RFX3: variants seen among roughly 807,000 people sequenced by gnomAD.
The protein encoded by RFX3 is transcription factor RFX3.
In RFX3, 14 loss-of-function variants were observed where a neutral mutation model predicts 98.6. The observed-to-expected ratio is 0.14, with a 90% CI of 0.09 to 0.22. The LOEUF (loss-of-function observed/expected upper bound fraction) is 0.22, where lower values mean the gene tolerates loss of function less well. Among genes scored for constraint, RFX3 ranks in the 10% least tolerant of loss-of-function variants. RFX3 has a pLI of 1.00. For synonymous variants in RFX3, 383 were observed against 328.4 expected (o/e 1.17, Z -1.80); for missense variants, 639 against 926.9 (o/e 0.69, Z 4.03).
chr9:3,344,943 T>C (rs1270002492), intron 3 of RFX3: 1 of 668,968 alleles, frequency 1.5e-6, no homozygotes, highest in Middle Eastern at 2.5e-4. Context: ...TAAAGAGGTA[T>C]AGATTTAATA....
chr9:3,420,072 G>A (rs936872836), intron 1 of RFX3, among the ~76,000 whole-genome samples: 11 of 152,174 alleles, frequency 7.2e-5, no homozygotes, highest in Admixed American at 4.6e-4. Flanking sequence ...AAAGAACGTC[G>A]GGGCCCGCAG....
At chr9:3,444,227 T>C (rs1054534707) in intron 1 of RFX3, among the ~76,000 whole-genome samples, 30 of 152,092 alleles carry the variant, frequency 2.0e-4, no homozygotes, top group Non-Finnish European at 4.0e-4. Context: ...ATACTACTCA[T>C]CAATAAAAAG....
chr9:3,253,666 G>A (rs2131053837), intron 14 of RFX3, among the ~76,000 whole-genome samples: 1 of 152,150 alleles, frequency 6.6e-6, no homozygotes, highest in South Asian at 2.1e-4. Flanking sequence ...CTGCTATTAT[G>A]ATTCTCGGCA....
Position 3,473,895 on chromosome 9 carries a change from A to G in RFX3, c.-9+51852T>C, listed in dbSNP as rs915213913. 2.6e-5 allele frequency among the ~76,000 whole-genome samples: 4 copies of G among 152,218 alleles called. 1 individual carries two copies. The highest frequency in any genetic ancestry group is 1.3e-4 in the Admixed American group (2 of 15,286). Reference sequence around the variant, plus strand: ...AATACTGCTGTTGAAATAGGCAAAGATAAGAGAAATATTTTTAAACCTGGG... The same window carrying G: ...AATACTGCTGTTGAAATAGGCAAAGGTAAGAGAAATATTTTTAAACCTGGG... On this transcript the variant is annotated intron_variant, in intron 1 of 16. Transcript: ENST00000617270.
Position 3,446,501 on chromosome 9 carries a change from C to T in RFX3, c.-8-50905G>A, listed in dbSNP as rs781230790. ...AAGAAGAAGAAAGCCAGAGGAATAACCTTTCTGTGACCTCCTCCCACAAAC... is the reference window on the plus strand; with the variant it reads ...AAGAAGAAGAAAGCCAGAGGAATAATCTTTCTGTGACCTCCTCCCACAAAC... On this transcript the variant is annotated intron_variant, in intron 1 of 16. Transcript: ENST00000617270. Among the ~76,000 whole-genome samples, 3 of 151,938 alleles carry T rather than the reference C, an allele frequency of 2.0e-5. No individual in the cohort carries two copies. In the East Asian group the frequency reaches 5.8e-4, roughly 29 times the overall value.
chr9:3,294,476 T>A (rs1049157952), intron 5 of RFX3, among the ~76,000 whole-genome samples: 3 of 152,108 alleles, frequency 2.0e-5, no homozygotes, highest in Non-Finnish European at 4.4e-5. Context: ...TGTGATCTCA[T>A]CCTTGTCCTC....
chr9:3,322,606 A>G (rs886828528), intron 4 of RFX3, among the ~76,000 whole-genome samples: 1 of 151,980 alleles, frequency 6.6e-6, no homozygotes, highest in African/African-American at 2.4e-5. Flanking sequence ...GGTGGCAGGT[A>G]CCTGTAATCC....
At chr9:3,506,894 T>C (rs1256276957) in intron 1 of RFX3, among the ~76,000 whole-genome samples, 1 of 151,844 alleles carries the variant, frequency 6.6e-6, no homozygotes, top group African/African-American at 2.4e-5. Flanking sequence ...ATAAATCCAA[T>C]GGAAATAATA....
At chr9:3,280,294 T>C (rs2131467660) in intron 7 of RFX3, among the ~76,000 whole-genome samples, 1 of 151,988 alleles carries the variant, frequency 6.6e-6, no homozygotes, top group East Asian at 1.9e-4. Context: ...ACAGCTCATG[T>C]ACAAGAGGGC....
intron 1 of RFX3, among the ~76,000 whole-genome samples, chr9:3,418,559 T>C (rs1843175110): frequency 6.6e-6 from 1 of 152,036 alleles, no homozygotes; most frequent in African/African-American, 2.4e-5. Context: ...TTTGCGTTTT[T>C]AGTAGAGACG....
chr9:3,344,304 G>A (rs1013265005), intron 3 of RFX3, among the ~76,000 whole-genome samples: 1 of 152,062 alleles, frequency 6.6e-6, no homozygotes, highest in Non-Finnish European at 1.5e-5. Flanking sequence ...AACAAGCAGT[G>A]TTTCGAATTT....
chr9:3,320,290 C>T (rs567585960), intron 4 of RFX3, among the ~76,000 whole-genome samples: 4 of 152,192 alleles, frequency 2.6e-5, no homozygotes, highest in East Asian at 1.9e-4. Context: ...TGGTGGCTCA[C>T]GCCTGTAGTC....
chr9:3,429,979 G>A (rs1435485591), intron 1 of RFX3, among the ~76,000 whole-genome samples: 1 of 152,126 alleles, frequency 6.6e-6, no homozygotes, highest in African/African-American at 2.4e-5. Context: ...TCAAACCTTA[G>A]TTGACTTAGG....
intron 1 of RFX3, among the ~76,000 whole-genome samples, chr9:3,476,601 T>G (rs1225333947): frequency 6.6e-6 from 1 of 152,230 alleles, no homozygotes; most frequent in Non-Finnish European, 1.5e-5. Flanking sequence ...GCATTCATGT[T>G]GTATTATAAA....
At chr9:3,305,323 G>T (rs1170770778) in intron 4 of RFX3, among the ~76,000 whole-genome samples, 1 of 151,982 alleles carries the variant, frequency 6.6e-6, no homozygotes, top group Non-Finnish European at 1.5e-5. Flanking sequence ...AAAGTGTAGG[G>T]ATGTATGAAA....
chr9:3,399,784 T>C (rs1841294134), intron 1 of RFX3, among the ~76,000 whole-genome samples: 1 of 151,590 alleles, frequency 6.6e-6, no homozygotes, highest in African/African-American at 2.4e-5. Context: ...ACCCCGCCTC[T>C]ACTAAAATAC....
At chr9:3,268,028 T>A (rs1015721053) in intron 11 of RFX3, among the ~76,000 whole-genome samples, 1 of 151,902 alleles carries the variant, frequency 6.6e-6, no homozygotes, top group South Asian at 2.1e-4. Context: ...AAGATATATT[T>A]TGCATTTTAA....
chr9:3,308,333 C>G (rs1829568065), intron 4 of RFX3, among the ~76,000 whole-genome samples: 1 of 152,084 alleles, frequency 6.6e-6, no homozygotes, highest in South Asian at 2.1e-4. Flanking sequence ...AAGATGGGAA[C>G]CCTCCATTCA....
At chr9:3,291,448 GT>G (rs1827344316) in intron 6 of RFX3, among the ~76,000 whole-genome samples, 1 of 151,782 alleles carries the variant, frequency 6.6e-6, no homozygotes, top group South Asian at 2.1e-4. Context: ...ACCTTGCTGA[GT>G]TTCCCCCAGA....
Sources: gnomAD v4.1 joint callset for allele counts (sites outside exome capture counted in the v4.1 genomes callset) on GRCh38, gnomAD v4.1.1 for gene constraint, MANE v1.5 for transcripts, NCBI Gene and HGNC (gene_info 2026-07-23, HGNC 2026-07-21) for gene names.